PIP5K1C: variants seen among roughly 807,000 people sequenced by gnomAD.
PIP5K1C encodes the protein phosphatidylinositol 4-phosphate 5-kinase type-1 gamma.
A neutral mutation model predicts 80.1 loss-of-function variants in PIP5K1C; 45 were observed. The observed-to-expected ratio is 0.56, with a 90% CI of 0.44 to 0.72. The LOEUF is 0.72. Ranked by LOEUF, PIP5K1C falls within the 30% of genes least tolerant of loss-of-function variation. PIP5K1C has a pLI of 0.00. For synonymous variants in PIP5K1C, 498 were observed against 420.1 expected, an observed-to-expected ratio of 1.19 and a Z score of -2.27; for missense variants, 753 against 954.6, an observed-to-expected ratio of 0.79 and a Z score of 2.78.
Position 3,651,962 on chromosome 19 carries a change from G to T in PIP5K1C, c.991C>A (p.Arg331Ser). 1.2e-6 allele frequency: 2 copies of T among 1,613,070 alleles called. No homozygotes were observed. The highest frequency in any genetic ancestry group is 1.7e-6 in the Non-Finnish European group (2 of 1,179,960). Reference sequence around the variant, plus strand: ...TGGGCGCCCTGCGCCTGCCGCTCGCGCTCGTGCTGGTCGATGTTGTGCACG... The same window carrying T: ...TGGGCGCCCTGCGCCTGCCGCTCGCTCTCGTGCTGGTCGATGTTGTGCACG... ...LGVHNIDQHERERQAQGAQST... is the reference protein window; with the variant it reads ...LGVHNIDQHESERQAQGAQST... Residue 331 changes from arginine (R) to serine (S), a missense_variant, in exon 8 of 18, where the codon CGC becomes AGC. Transcript: ENST00000335312.
chr19:3,663,643 T>C (rs57428569), intron 3 of PIP5K1C, among the ~76,000 whole-genome samples: 29,837 of 151,878 alleles, frequency 0.2, 3,182 homozygotes, highest in African/African-American at 0.26. Flanking sequence ...GTGAAACCCC[T>C]GTCTCTACCA....
At chr19:3,636,169 AAAAG>A (rs1447631547) in intron 16 of PIP5K1C, among the ~76,000 whole-genome samples, 1 of 152,128 alleles carries the variant, frequency 6.6e-6, no homozygotes. Flanking sequence ...AAAATGAAAA[AAAAG>A]AAAGGGCAGG....
At chr19:3,640,588 T>TA (rs1299624680) in intron 15 of PIP5K1C, among the ~76,000 whole-genome samples, 1 of 152,086 alleles carries the variant, frequency 6.6e-6, no homozygotes, top group Non-Finnish European at 1.5e-5. Flanking sequence ...CTGTGTTTTT[T>TA]AAAAAAACAG....
chr19:3,686,789 AT>A (rs2035775364), intron 1 of PIP5K1C, among the ~76,000 whole-genome samples: 1 of 152,140 alleles, frequency 6.6e-6, no homozygotes, highest in African/African-American at 2.4e-5. Flanking sequence ...AATGAATGTA[AT>A]AGCTAAAACT....
At chr19:3,673,222 G>A (rs932735813) in intron 1 of PIP5K1C, among the ~76,000 whole-genome samples, 3 of 152,064 alleles carry the variant, frequency 2.0e-5, no homozygotes, top group Non-Finnish European at 4.4e-5. Context: ...TTGCACGAGC[G>A]GTGCCTCTGC....
At position 3,637,717 on chromosome 19, in the gene PIP5K1C, G is replaced by A. The variant is rs986398215; in HGVS notation, c.1920+1167C>T. 19 of 1,513,930 alleles carry A rather than the reference G, an allele frequency of 1.3e-5. No homozygotes were observed. The highest frequency in any genetic ancestry group is 8.2e-5 in the African/African-American group (6 of 72,844). 93.8% of individuals were successfully genotyped at this position (1,513,930 alleles called of 1,614,324 possible). A position where few individuals can be genotyped will look rare whatever the true frequency, so the allele number is the denominator to read the frequency against. The stretch of plus-strand genomic sequence containing the variant: ...GGTGGGAGAGGCGGAGGGAGGTGGC[G>A]GGGAGCAGGTGGGGACAGCTGACTG... On this transcript the variant is annotated intron_variant, in intron 16 of 17. Transcript: ENST00000335312. The surrounding 1 kb of genome is among the most constrained non-coding windows in gnomAD (Gnocchi z 7.0).
At chr19:3,677,764 ATGGAGG>A (rs2035410717) in intron 1 of PIP5K1C, among the ~76,000 whole-genome samples, 3 of 75,256 alleles carry the variant, frequency 4.0e-5, no homozygotes, top group African/African-American at 5.7e-5. Context: ...GGGATGGAGG[ATGGAGG>A]ATGGAGGGAT....
rs1176102708 is a variant in PIP5K1C, at chr19:3,633,157, T to C, written c.*10A>G. ...TGGAGCTCGGCTCTGGGTCGGGGGC[T>C]GCATAGAAATTACTGCAAGAGCAAG... is the stretch of plus-strand genomic sequence containing the variant. On this transcript the variant is annotated 3_prime_UTR_variant, in exon 18 of 18. Transcript: ENST00000335312. The C allele has an allele frequency of 1.3e-6, 1 of 766,170 alleles. No individual in the cohort carries two copies. Among genetic ancestry groups the C allele is most frequent in the South Asian group, 1.4e-5 (1 of 72,344 alleles). The allele number at this position is 766,170 out of a possible 1,614,324, so 47.5% of individuals were successfully genotyped here. A position where few individuals can be genotyped will look rare whatever the true frequency, so the allele number is the denominator to read the frequency against.
intron 5 of PIP5K1C, among the ~76,000 whole-genome samples, chr19:3,659,950 C>T (rs1434030447): frequency 6.6e-6 from 1 of 152,194 alleles, no homozygotes; most frequent in Admixed American, 6.5e-5. Flanking sequence ...GAACGCCAAC[C>T]GCACTTGTCT....
In PIP5K1C at chr19:3,639,020, G is replaced by A. The variant is rs541225525; in HGVS notation, c.1788-4C>T. The A allele has an allele frequency of 1.2e-6, 2 of 1,610,098 alleles. No individual in the cohort carries two copies. Among genetic ancestry groups the A allele is most frequent in the East Asian group, 4.5e-5 (2 of 44,864 alleles). Reference sequence around the variant, plus strand: ...ACCGGCCGGGGAAGCCTCCACCCTGGGGACAGGAGTAGACAGAGGGTCTTG... The same window carrying A: ...ACCGGCCGGGGAAGCCTCCACCCTGAGGACAGGAGTAGACAGAGGGTCTTG... On this transcript the variant is annotated splice_region_variant and splice_polypyrimidine_tract_variant and intron_variant, in intron 15 of 17. Coordinates refer to ENST00000335312, the MANE Select transcript of PIP5K1C (RefSeq NM_012398.3).
chr19:3,688,001 A>C lies in PIP5K1C; in HGVS notation c.94+12296T>G, dbSNP rs2035818983. On this transcript the variant is annotated intron_variant, in intron 1 of 17. Transcript: ENST00000335312. This position sits in a 1 kb window ranked among gnomAD's most constrained non-coding sequence, Gnocchi z 5.3. ...AAGCTCCCGGGCGGGCCGGGGCAGG[A>C]GGCTGTGGGGCGTGGCCAGCCCGCA... Among the ~76,000 whole-genome samples the C allele has an allele frequency of 6.6e-6, 1 of 152,112 alleles. No individual in the cohort carries two copies. Among genetic ancestry groups the C allele is most frequent in the Non-Finnish European group, 1.5e-5 (1 of 68,000 alleles).
chr19:3,693,367 A>G (rs538718010), intron 1 of PIP5K1C, among the ~76,000 whole-genome samples: 71 of 152,186 alleles, frequency 4.7e-4, no homozygotes, highest in African/African-American at 1.7e-3. Flanking sequence ...GGGGGCCCTC[A>G]TGCTCGACTC....
chr19:3,644,150 C>G lies in PIP5K1C; in HGVS notation c.1447G>C (p.Glu483Gln), dbSNP rs199563464. 6.2e-7 allele frequency: 1 copy of G among 1,612,132 alleles called. No homozygotes were observed. Among genetic ancestry groups the G allele is most frequent in the Non-Finnish European group, 8.5e-7 (1 of 1,179,876 alleles). The change falls in exon 12 of 18, where the codon GAG becomes CAG. Residue 483 changes from glutamate to glutamine, a missense_variant. Physicochemically the swap from Glu to Gln is conservative, Grantham distance 29. Transcript: ENST00000335312. ...AGGTCGTACTGGGCCTCCTCCCGCT[C>G]GCTAGGGATCTGGCTGGCCGAGAAG... ...AAFSASQIPSEREEAQYDLRG... is the reference protein window; with the variant it reads ...AAFSASQIPSQREEAQYDLRG...
rs1005740158 is a variant in PIP5K1C at position 3,688,107 on chromosome 19, G to T, written c.94+12190C>A. Among the ~76,000 whole-genome samples, 3 of 152,146 alleles carry T rather than the reference G, an allele frequency of 2.0e-5. No individual in the cohort carries two copies. Among genetic ancestry groups the T allele is most frequent in the Non-Finnish European group, 4.4e-5 (3 of 68,010 alleles). ...GGGAAGCCCGGCCCGTGCGGGCTGC[G>T]GGAGATCCTGATGGGCCCCGAGCTG... is the stretch of plus-strand genomic sequence containing the variant. On this transcript the variant is annotated intron_variant, in intron 1 of 17. Transcript: ENST00000335312. This position sits in a 1 kb window ranked among gnomAD's most constrained non-coding sequence, Gnocchi z 5.3.
chr19:3,657,763 T>TAA (rs10623803), intron 5 of PIP5K1C, among the ~76,000 whole-genome samples: 16,529 of 144,044 alleles, frequency 0.11, 1,304 homozygotes, highest in East Asian at 0.33. Flanking sequence ...TCATCTGTAC[T>TAA]AAAAAAAAAA....
chr19:3,672,061 C>A (rs1009894816), intron 1 of PIP5K1C, among the ~76,000 whole-genome samples: 3 of 152,316 alleles, frequency 2.0e-5, no homozygotes, highest in South Asian at 2.1e-4. Flanking sequence ...CATCACAGGA[C>A]GTGGTGGCGA....
intron 1 of PIP5K1C, among the ~76,000 whole-genome samples, chr19:3,693,161 G>A (rs2035995458): frequency 6.6e-6 from 1 of 152,150 alleles, no homozygotes; most frequent in African/African-American, 2.4e-5. Context: ...CCCGGCCACA[G>A]CACACGCAGG....
rs531040645 is a variant in PIP5K1C, at chr19:3,645,844, G to A, written c.1345+130C>T. The A allele has an allele frequency of 2.0e-4, 152 of 777,374 alleles. 3 individuals carry two copies. In the South Asian group the frequency reaches 2.0e-3, roughly 10 times the overall value. The allele number at this position is 777,374 out of a possible 1,614,324, so 48.2% of individuals were successfully genotyped here. On this transcript the variant is annotated intron_variant, in intron 11 of 17. Coordinates refer to ENST00000335312, the MANE Select transcript of PIP5K1C (RefSeq NM_012398.3). ...CCTCCGGATGAGGCCCGGTCTGAGG[G>A]GGGCACAGGGGCTCTGAGTTTACTG...
intron 16 of PIP5K1C, among the ~76,000 whole-genome samples, chr19:3,634,773 C>G (rs1156845084): frequency 6.6e-6 from 1 of 152,222 alleles, no homozygotes; most frequent in Non-Finnish European, 1.5e-5. Flanking sequence ...CTCTAAAGGG[C>G]CCACCTCTGT....
Sources: gnomAD v4.1 joint callset for allele counts (sites outside exome capture counted in the v4.1 genomes callset) on GRCh38, gnomAD v4.1.1 for gene constraint, Gnocchi (gnomAD v3.1) non-coding constraint, MANE v1.5 for transcripts, NCBI Gene and HGNC (gene_info 2026-07-23, HGNC 2026-07-21) for gene names.